The following TOGARAM2 variants were observed in gnomAD, a reference collection of about 807,000 sequenced individuals.
TOGARAM2 encodes TOG array regulator of axonemal microtubules protein 2.
TOGARAM2 carries 85 observed loss-of-function variants against 93.3 expected under a neutral mutation model. The observed-to-expected ratio is 0.91, with a 90% CI of 0.76 to 1.09. The LOEUF (loss-of-function observed/expected upper bound fraction) is 1.09, where lower values mean the gene tolerates loss of function less well. Ranked by LOEUF, TOGARAM2 falls within the 50% of genes least tolerant of loss-of-function variation. TOGARAM2 has a pLI of 0.00. For synonymous variants in TOGARAM2, 593 were observed against 552.8 expected, an observed-to-expected ratio of 1.07 and a Z score of -1.02; for missense variants, 1,277 against 1,334.5, an observed-to-expected ratio of 0.96 and a Z score of 0.67.
chr2:28,957,212 T>C (rs1671731612), intron 1 of TOGARAM2, among the ~76,000 whole-genome samples: 1 of 152,136 alleles, frequency 6.6e-6, no homozygotes, highest in African/African-American at 2.4e-5. Context: ...TTTGTTTGTT[T>C]GAGATGGAGT....
chr2:29,046,879 A>G (rs1306225347), intron 19 of TOGARAM2: 2 of 152,842 alleles, frequency 1.3e-5, no homozygotes, highest in African/African-American at 4.8e-5. Flanking sequence ...CCTGCCCGGA[A>G]AGCCTTCTCC....
rs779878087 is a variant in TOGARAM2 at position 29,002,739 on chromosome 2, G to A, written c.631G>A (p.Ala211Thr). 2.5e-6 allele frequency: 4 copies of A among 1,613,224 alleles called. No individual in the cohort carries two copies. Among genetic ancestry groups the A allele is most frequent in the Non-Finnish European group, 3.4e-6 (4 of 1,179,586 alleles). ...GGGTCCTCACGAGTTGAGACCCGGT[G>A]CTCAGGAGGTAAGGTGGTTCGACTG... ...IPGPHELRPG[A>T]QEAQISWQYL... The change falls in exon 5 of 20, where the codon GCT becomes ACT. Residue 211 changes from alanine (A) to threonine (T), a missense_variant. Ala to Thr is a moderately conservative substitution (Grantham distance 58). Coordinates refer to ENST00000379558, the MANE Select transcript of TOGARAM2 (RefSeq NM_199280.4).
At position 29,052,082 on chromosome 2, in the gene TOGARAM2, C is replaced by A. The variant is rs1272205345; in HGVS notation, c.3049C>A (p.Gln1017Lys). The change falls in exon 20 of 20, where the codon CAG (glutamine) becomes AAG (lysine). Residue 1017 changes from glutamine to lysine, a missense_variant. By Grantham distance (53) the Gln-to-Lys change is moderately conservative (BLOSUM62 1). Coordinates refer to ENST00000379558, the MANE Select transcript of TOGARAM2 (RefSeq NM_199280.4). ...SKTTGSSYPF[Q>K]LD ...GACAACTGGCAGCTCATACCCTTTT[C>A]AGCTGGATTAAAGATGGATCTGAAA... 3.2e-6 allele frequency: 5 copies of A among 1,573,912 alleles called. No individual in the cohort carries two copies. The highest frequency in any genetic ancestry group is 4.3e-6 in the Non-Finnish European group (5 of 1,156,674).
intron 19 of TOGARAM2, chr2:29,049,565 C>G (rs1666953477): frequency 6.6e-6 from 1 of 152,232 alleles, no homozygotes; most frequent in Non-Finnish European, 1.5e-5. Flanking sequence ...CTCACTGTCC[C>G]CCTTCTAGTT....
At chr2:28,981,689 T>C (rs1467796383) in intron 1 of TOGARAM2, among the ~76,000 whole-genome samples, 151 bp downstream of exon 1, 1 of 152,250 alleles carries the variant, frequency 6.6e-6, no homozygotes, top group Non-Finnish European at 1.5e-5. Context: ...TGCTGTGACT[T>C]GGAGGCTGTG....
chr2:29,020,326 G>C (rs1249408536), intron 10 of TOGARAM2, among the ~76,000 whole-genome samples: 1 of 152,216 alleles, frequency 6.6e-6, no homozygotes, highest in African/African-American at 2.4e-5. Context: ...AAGGAGGCAA[G>C]GAAGTTAAGC....
rs761410479 is a variant in TOGARAM2, at chr2:29,017,193, CAGCTGAAGCAGATGAAGGAGATGG to C, written c.1090_1113del (p.Lys364_Leu371del). ...CTCCAAGTCTGCCCGGGAGAAGATG[CAGCTGAAGCAGATGAAGGAGATGG>C]AGCTGCTTCGGAGGCTGGAGGAGCC... is the stretch of plus-strand genomic sequence containing the variant. On this transcript the variant is annotated inframe_deletion, in exon 9 of 20. Coordinates refer to ENST00000379558, the MANE Select transcript of TOGARAM2 (RefSeq NM_199280.4). 17 of 1,613,728 alleles carry C rather than the reference CAGCTGAAGCAGATGAAGGAGATGG, an allele frequency of 1.1e-5. No homozygotes were observed. The South Asian group carries it at 1.6e-4, about 16-fold the overall frequency.
chr2:29,032,833 TA>T, intron 14 of TOGARAM2, 100 bp from the exon 15 acceptor site: 1 of 959,662 alleles, frequency 1.0e-6, no homozygotes, highest in Non-Finnish European at 1.5e-6. Flanking sequence ...GAAAAAGTAT[TA>T]AAAACTCTCT....
chr2:29,003,688 A>G lies in TOGARAM2; in HGVS notation c.830+6A>G, dbSNP rs1673452692. ...CTGAGGGCCCCACGCACGCGGTAAGAGCTCCAAGTCAAACCTTCCTTGCTG... is the reference window on the plus strand; with the variant it reads ...CTGAGGGCCCCACGCACGCGGTAAGGGCTCCAAGTCAAACCTTCCTTGCTG... On this transcript the variant is annotated splice_donor_region_variant and intron_variant, in intron 6 of 19. Transcript: ENST00000379558. The G allele has an allele frequency of 6.6e-7, 1 of 1,511,096 alleles. No homozygotes were observed. 93.6% of individuals were successfully genotyped at this position (1,511,096 alleles called of 1,614,324 possible). A position where few individuals can be genotyped will look rare whatever the true frequency, so the allele number is the denominator to read the frequency against.
chr2:29,011,624 C>A, intron 7 of TOGARAM2, 123 bp downstream of exon 7: 2 of 999,756 alleles, frequency 2.0e-6, no homozygotes, highest in East Asian at 3.0e-5. Context: ...CCCTTCATTT[C>A]ACAGCAGGAA....
chr2:28,990,993 T>G (rs1192108404), intron 1 of TOGARAM2, among the ~76,000 whole-genome samples: 611 of 14,138 alleles, frequency 0.043, 9 homozygotes, highest in African/African-American at 0.11. Context: ...GTGTGAAGGG[T>G]GTGTGTGTGT....
intron 6 of TOGARAM2, among the ~76,000 whole-genome samples, chr2:29,007,798 G>A (rs1420419214): frequency 2.6e-5 from 4 of 152,016 alleles, no homozygotes; most frequent in Admixed American, 2.6e-4. Context: ...GTCCCCCAGT[G>A]CTTGTTCTGT....
In TOGARAM2 at chr2:29,045,198, A is replaced by C. The variant is rs1265924777; in HGVS notation, c.2636-126A>C. The C allele has an allele frequency of 4.2e-6, 3 of 708,420 alleles. No homozygotes were observed. In the African/African-American group the frequency reaches 5.3e-5, roughly 13 times the overall value. 43.9% of individuals were successfully genotyped at this position (708,420 alleles called of 1,614,324 possible). On this transcript the variant is annotated intron_variant, in intron 18 of 19. Transcript: ENST00000379558. ...AAGTGGCCCCTTTGTGACCTGGAAA[A>C]ATTAATTCAGCTCCCCCAAAGGCCT...
At chr2:29,000,215 A>T (rs968996120) in intron 4 of TOGARAM2, among the ~76,000 whole-genome samples, 7 of 152,296 alleles carry the variant, frequency 4.6e-5, no homozygotes, top group African/African-American at 1.4e-4. Context: ...TGTGAGGCAC[A>T]GTCGCTTGGC....
intron 10 of TOGARAM2, 106 bp from the exon 11 acceptor site, chr2:29,022,052 C>T (rs1417374717): frequency 6.8e-7 from 1 of 1,475,338 alleles, no homozygotes; most frequent in African/African-American, 1.4e-5. Flanking sequence ...TAGGTGGGCT[C>T]AGGGTGGTGG....
chr2:28,975,456 G>A (rs1672014248), intron 1 of TOGARAM2, among the ~76,000 whole-genome samples: 1 of 152,012 alleles, frequency 6.6e-6, no homozygotes, highest in Non-Finnish European at 1.5e-5. Context: ...CCAAAGTGCT[G>A]GGATTACAGG....
chr2:28,988,917 G>A (rs962639030), intron 1 of TOGARAM2, among the ~76,000 whole-genome samples: 1 of 152,110 alleles, frequency 6.6e-6, no homozygotes, highest in African/African-American at 2.4e-5. Flanking sequence ...CTCTCCTGGC[G>A]CCAACTCCCC....
At chr2:28,956,561 T>TA (rs1671722879), upstream of TOGARAM2, 3 of 152,226 alleles carry the variant, frequency 2.0e-5, no homozygotes, top group Admixed American at 1.3e-4. This position sits in a 1 kb window ranked among gnomAD's most constrained non-coding sequence, Gnocchi z 4.5. Flanking sequence ...GCTGCTGTGT[T>TA]ACGGCTGCGC....
At chr2:29,037,119 G>A (rs547082623) in intron 18 of TOGARAM2, among the ~76,000 whole-genome samples, 1 of 152,244 alleles carries the variant, frequency 6.6e-6, no homozygotes, top group East Asian at 1.9e-4. Context: ...TTGTGGTGAT[G>A]GGCAGGGAGG....
Sources: allele counts gnomAD v4.1 joint callset (sites outside exome capture counted in the v4.1 genomes callset), GRCh38; gene constraint gnomAD v4.1.1; non-coding constraint Gnocchi (gnomAD v3.1); transcripts MANE v1.5; gene names NCBI Gene and HGNC (gene_info 2026-07-23, HGNC 2026-07-21).